AKAP9: variants seen among roughly 807,000 people sequenced by gnomAD.
AKAP9 encodes A-kinase anchoring protein 9, also known as A-kinase anchor protein 9.
In AKAP9, 311 loss-of-function variants were observed where a neutral mutation model predicts 488.5. That is an observed-to-expected ratio of 0.64 (90% CI 0.58 to 0.70). The LOEUF (loss-of-function observed/expected upper bound fraction) is 0.70. Among genes scored for constraint, AKAP9 ranks in the 30% least tolerant of loss-of-function variants. The pLI is 0.00. For missense variants in AKAP9, 4,215 were observed against 4,374.5 expected (o/e 0.96, Z 1.03); for synonymous variants, 1,462 against 1,483.5 (o/e 0.99, Z 0.33).
intron 40 of AKAP9, among the ~76,000 whole-genome samples, chr7:92,096,322 G>A: frequency 6.7e-6 from 1 of 148,672 alleles, no homozygotes. Context: ...GTATACTTCT[G>A]AAGTTTTTTT....
chr7:92,004,296 T>G (rs1157881461), intron 8 of AKAP9, among the ~76,000 whole-genome samples: 1 of 152,210 alleles, frequency 6.6e-6, no homozygotes, highest in African/African-American at 2.4e-5. Context: ...GGCTCTTTTT[T>G]GGTTCCTTAT....
intron 21 of AKAP9, among the ~76,000 whole-genome samples, chr7:92,048,285 A>T (rs903184078): frequency 1.3e-5 from 2 of 152,164 alleles, no homozygotes; most frequent in Non-Finnish European, 2.9e-5. Flanking sequence ...TTCAGCCTTC[A>T]GGTCTGAACT....
chr7:91,941,222 C>A, intron 1 of AKAP9, 75 bp downstream of exon 1: 1 of 1,442,976 alleles, frequency 6.9e-7, no homozygotes, highest in South Asian at 1.1e-5. Flanking sequence ...GCCTGGGAAG[C>A]GGAGTTCGCC....
intron 8 of AKAP9, among the ~76,000 whole-genome samples, chr7:92,005,600 T>G (rs1271867069): frequency 6.6e-6 from 1 of 152,200 alleles, no homozygotes; most frequent in South Asian, 2.1e-4. Context: ...TTATATCAAA[T>G]GTAGAGATAT....
At chr7:92,006,297 T>C (rs1261913005) in intron 8 of AKAP9, among the ~76,000 whole-genome samples, 1 of 151,944 alleles carries the variant, frequency 6.6e-6, no homozygotes, top group African/African-American at 2.4e-5. Context: ...ATTACAGGCA[T>C]GCACCACACA....
At chr7:92,006,556 C>G (rs1423355107) in intron 8 of AKAP9, among the ~76,000 whole-genome samples, 1 of 152,162 alleles carries the variant, frequency 6.6e-6, no homozygotes, top group Admixed American at 6.5e-5. Context: ...TGTAAACTTC[C>G]TGCCCGTTCA....
In AKAP9 at chr7:92,083,516, C is replaced by T. The variant is rs1279738263; in HGVS notation, c.8507C>T (p.Ala2836Val). The T allele has an allele frequency of 6.2e-7, 1 of 1,606,084 alleles. No individual in the cohort carries two copies. Among genetic ancestry groups the T allele is most frequent in the Non-Finnish European group, 8.5e-7 (1 of 1,176,376 alleles). Reference protein sequence around the residue: ...EKIEKMQELHAAEILDMESRH... With the variant: ...EKIEKMQELHVAEILDMESRH... ...ATTGAGAAGATGCAAGAACTACATGCTGCTGAAATTTTGGACATGGAATCC... is the reference window on the plus strand; with the variant it reads ...ATTGAGAAGATGCAAGAACTACATGTTGCTGAAATTTTGGACATGGAATCC... The change falls in exon 33 of 50, where the codon GCT becomes GTT. Residue 2836 changes from alanine to valine, a missense_variant. By Grantham distance (64) the Ala-to-Val change is moderately conservative (BLOSUM62 0). Coordinates refer to ENST00000356239, the MANE Select transcript of AKAP9 (RefSeq NM_005751.5).
At chr7:91,966,346 A>G (rs1207676338) in intron 1 of AKAP9, among the ~76,000 whole-genome samples, 3 of 152,086 alleles carry the variant, frequency 2.0e-5, no homozygotes, top group Non-Finnish European at 4.4e-5. Context: ...TTTTAAATCC[A>G]TTTTGATGTG....
At position 92,017,067 on chromosome 7, in the gene AKAP9, A is replaced by C; in HGVS notation, c.3802A>C (p.Asn1268His). 1 of 1,591,920 alleles carries C rather than the reference A, an allele frequency of 6.3e-7. No homozygotes were observed. Among genetic ancestry groups the C allele is most frequent in the Non-Finnish European group, 8.6e-7 (1 of 1,164,326 alleles). ...TLLNKVTEEY[N>H]KLLVLQTRLS... is the part of the protein sequence containing the mutation. The stretch of plus-strand genomic sequence containing the variant: ...TCTCAACAAAGTAACAGAAGAATAC[A>C]ACAAACTCTTGGTACTTCAAACACG... Residue 1268 changes from asparagine (N) to histidine (H), a missense_variant, in exon 12 of 50, where the codon AAC becomes CAC. Asn to His is a moderately conservative substitution (Grantham distance 68). Around this residue, in one of 5 missense-constraint regions of AKAP9, gnomAD observed 2,361 missense variants for 2,430.0 expected, o/e 0.97. Coordinates refer to ENST00000356239, the MANE Select transcript of AKAP9 (RefSeq NM_005751.5).
intron 3 of AKAP9, among the ~76,000 whole-genome samples, chr7:91,991,893 A>G (rs562168122): frequency 2.0e-5 from 3 of 152,328 alleles, no homozygotes; most frequent in Admixed American, 2.0e-4. Context: ...CAGAAACTGC[A>G]CTTAGAACTT....
At chr7:92,030,053 A>G in intron 15 of AKAP9, 62 bp downstream of exon 15, 1 of 1,161,666 alleles carries the variant, frequency 8.6e-7, no homozygotes, top group Non-Finnish European at 1.3e-6. Context: ...TATCATTTTT[A>G]TGTCTGGTTT....
chr7:91,951,241 A>T (rs1299704136), intron 1 of AKAP9, among the ~76,000 whole-genome samples: 1 of 151,778 alleles, frequency 6.6e-6, no homozygotes, highest in East Asian at 1.9e-4. Flanking sequence ...TTGTACTTAA[A>T]TTTTTTTAAT....
At chr7:91,968,913 C>T (rs1351860596) in intron 1 of AKAP9, among the ~76,000 whole-genome samples, 3 of 151,862 alleles carry the variant, frequency 2.0e-5, no homozygotes, top group East Asian at 3.9e-4. Context: ...TCTCTGTTGC[C>T]CAGGCTGGAG....
chr7:92,065,440 G>GA lies in AKAP9; in HGVS notation c.6193dup (p.Met2065AsnfsTer7). On this transcript the variant is annotated frameshift_variant, in exon 25 of 50. Coordinates refer to ENST00000356239, the MANE Select transcript of AKAP9 (RefSeq NM_005751.5). LOFTEE classifies it high-confidence loss of function. ...AAACCAAGCATTGGAAAAGCAGTTA[G>GA]AAAAAATGAGAAAATTTTTAGATGT... is the stretch of plus-strand genomic sequence containing the variant. The GA allele has an allele frequency of 6.2e-7, 1 of 1,611,194 alleles. No individual in the cohort carries two copies. Among genetic ancestry groups the GA allele is most frequent in the South Asian group, 1.1e-5 (1 of 90,604 alleles).
At chr7:91,947,360 C>G (rs76647619) in intron 1 of AKAP9, among the ~76,000 whole-genome samples, 1 of 151,724 alleles carries the variant, frequency 6.6e-6, no homozygotes, top group African/African-American at 2.4e-5. Context: ...TTTTTCCCCC[C>G]GAGATGGAGT....
chr7:91,945,008 C>G (rs533415938), intron 1 of AKAP9, among the ~76,000 whole-genome samples: 1 of 152,130 alleles, frequency 6.6e-6, no homozygotes, highest in East Asian at 1.9e-4. Flanking sequence ...AGATTTGCTA[C>G]GACTAAGGAA....
rs11276778 is a variant in AKAP9 at position 92,102,448 on chromosome 7, TTACTACTACTACTAC to T, written c.11098-118_11098-104del. On this transcript the variant is annotated intron_variant, in intron 45 of 49. Coordinates refer to ENST00000356239, the MANE Select transcript of AKAP9 (RefSeq NM_005751.5). ...GTGATAGGAACCTGCCGTTTTACTA[TTACTACTACTACTAC>T]TACTACTACTACTACTACTACTACT... 699 of 594,718 alleles carry T rather than the reference TTACTACTACTACTAC, an allele frequency of 1.2e-3. 1 individual carries two copies. The highest frequency in any genetic ancestry group is 3.1e-3 in the African/African-American group (165 of 52,560). 36.8% of individuals were successfully genotyped at this position (594,718 alleles called of 1,614,324 possible).
chr7:92,073,363 G>A (rs548469779), intron 28 of AKAP9, among the ~76,000 whole-genome samples: 7 of 149,458 alleles, frequency 4.7e-5, no homozygotes, highest in South Asian at 2.1e-4. Flanking sequence ...AAAATTAGCC[G>A]GGTGTGGTGG....
At chr7:92,009,727 A>G (rs1209556366) in intron 8 of AKAP9, among the ~76,000 whole-genome samples, 1 of 152,232 alleles carries the variant, frequency 6.6e-6, no homozygotes, top group Non-Finnish European at 1.5e-5. Context: ...TTATAGATGA[A>G]TCTTACTTAT....
Sources: allele counts gnomAD v4.1 joint callset (sites outside exome capture counted in the v4.1 genomes callset), GRCh38; gene constraint gnomAD v4.1.1; regional missense constraint gnomAD v4.1.1; transcripts MANE v1.5; gene names NCBI Gene and HGNC (gene_info 2026-07-23, HGNC 2026-07-21).